ZNF131: variants seen among roughly 807,000 people sequenced by gnomAD.
ZNF131 encodes the protein zinc finger protein 131.
A neutral mutation model predicts 60.0 loss-of-function variants in ZNF131; 7 were observed. That is an observed-to-expected ratio of 0.12 (90% CI 0.07 to 0.22). The LOEUF (loss-of-function observed/expected upper bound fraction) is 0.22, where lower values mean the gene tolerates loss of function less well. Ranked by LOEUF, ZNF131 falls within the 10% of genes least tolerant of loss-of-function variation. The pLI, the probability that ZNF131 is intolerant of heterozygous loss-of-function variation, is 1.00. For missense variants in ZNF131, 493 were observed against 740.9 expected (o/e 0.67, Z 3.88); for synonymous variants, 257 against 253.2 (o/e 1.01, Z -0.14).
chr5:43,123,129 ATTT>A (rs1224908680), intron 2 of ZNF131, 77 bp from the exon 3 acceptor site: 1 of 1,160,444 alleles, frequency 8.6e-7, no homozygotes, highest in Non-Finnish European at 1.2e-6. Flanking sequence ...GCTTTATATG[ATTT>A]TTAAGTCTAT....
intron 3 of ZNF131, among the ~76,000 whole-genome samples, chr5:43,138,507 C>T (rs921279938): frequency 6.6e-6 from 1 of 152,116 alleles, no homozygotes. Context: ...TCAAAATTAG[C>T]CAGGCGTGGT....
intron 3 of ZNF131, among the ~76,000 whole-genome samples, chr5:43,138,125 A>G (rs903330274): frequency 5.3e-5 from 8 of 152,354 alleles, no homozygotes; most frequent in Middle Eastern, 3.4e-3. Flanking sequence ...GTGGGCATAA[A>G]GTTTCAATTG....
At chr5:43,159,771 T>G (rs1410174776) in intron 4 of ZNF131, among the ~76,000 whole-genome samples, 1 of 152,136 alleles carries the variant, frequency 6.6e-6, no homozygotes, top group African/African-American at 2.4e-5. Flanking sequence ...GCCTGTGGCT[T>G]GCTTTTTTAT....
At position 43,175,553 on chromosome 5, in the gene ZNF131, A is replaced by G. The variant is rs1579936571; in HGVS notation, c.*420A>G. 7.5e-6 allele frequency: 5 copies of G among 668,106 alleles called. No homozygotes were observed. The East Asian group carries it at 1.4e-4, about 18-fold the overall frequency. 41.4% of individuals were successfully genotyped at this position (668,106 alleles called of 1,614,324 possible). A position where few individuals can be genotyped will look rare whatever the true frequency, so the allele number is the denominator to read the frequency against. On this transcript the variant is annotated 3_prime_UTR_variant, in exon 7 of 7. Transcript: ENST00000682664. ...TCTAATGCATGTTAGAAAATTGAAT[A>G]ATATAGGAAACACAAGGCTGCATGA...
intron 3 of ZNF131, 135 bp downstream of exon 3, chr5:43,123,445 A>ACTGATGCCTATTTCCTAT: frequency 1.6e-6 from 1 of 625,642 alleles, no homozygotes; most frequent in Non-Finnish European, 2.6e-6. Flanking sequence ...CATAGGAAAT[A>ACTGATGCCTATTTCCTAT]GGCATCAGTA....
chr5:43,159,953 G>T (rs1244269551), intron 4 of ZNF131, among the ~76,000 whole-genome samples: 3 of 152,096 alleles, frequency 2.0e-5, no homozygotes, highest in Admixed American at 6.6e-5. Flanking sequence ...AAGGCGGGCA[G>T]ATCACAAGGT....
At chr5:43,155,348 A>G (rs866032843) in intron 4 of ZNF131, among the ~76,000 whole-genome samples, 15 of 152,204 alleles carry the variant, frequency 9.9e-5, no homozygotes, top group Middle Eastern at 3.2e-3. Context: ...GTTAGGGATC[A>G]GTTTCAACAA....
chr5:43,168,537 GAA>G (rs1003112045), intron 5 of ZNF131, among the ~76,000 whole-genome samples: 3 of 152,202 alleles, frequency 2.0e-5, no homozygotes, highest in African/African-American at 7.2e-5. Flanking sequence ...GTAAGGGTAA[GAA>G]AGAGGGAGAG....
At chr5:43,123,633 ATCT>A (rs1347436560) in intron 3 of ZNF131, 2 of 203,812 alleles carry the variant, frequency 9.8e-6, no homozygotes, top group Non-Finnish European at 2.0e-5. Context: ...GTGAATTACT[ATCT>A]TTGTTCAGTG....
intron 4 of ZNF131, among the ~76,000 whole-genome samples, chr5:43,150,978 G>C (rs1234639643): frequency 1.3e-5 from 2 of 152,174 alleles, no homozygotes; most frequent in Non-Finnish European, 2.9e-5. Flanking sequence ...AGAAAAACAG[G>C]TGACTTTCTT....
intron 4 of ZNF131, among the ~76,000 whole-genome samples, chr5:43,149,211 CA>C (rs1747994220): frequency 6.6e-6 from 1 of 150,948 alleles, no homozygotes; most frequent in African/African-American, 2.4e-5. Flanking sequence ...GCAGAGGCTG[CA>C]GTGAGCCGAG....
rs1170687481 is a variant in ZNF131 at position 43,128,656 on chromosome 5, CAAAAA to C, written c.226+5363_226+5367del. Among the ~76,000 whole-genome samples, 4 of 70,112 alleles carry C rather than the reference CAAAAA, an allele frequency of 5.7e-5. No homozygotes were observed. The Admixed American group carries it at 7.4e-4, about 13-fold the overall frequency. 46.0% of individuals were successfully genotyped at this position (70,112 alleles called of 152,430 possible). ...TGGGCGACAGAGCGAGACTCCATCT[CAAAAA>C]AAAAAAAAAAAAAAAACACACCTGG... On this transcript the variant is annotated intron_variant, in intron 3 of 6. Coordinates refer to ENST00000682664, the MANE Select transcript of ZNF131 (RefSeq NM_001330707.2).
intron 3 of ZNF131, among the ~76,000 whole-genome samples, chr5:43,131,431 C>T (rs931526550): frequency 6.6e-6 from 1 of 152,128 alleles, no homozygotes; most frequent in African/African-American, 2.4e-5. Flanking sequence ...CCTTGGCCTC[C>T]CAAAGTGCTG....
At position 43,161,849 on chromosome 5, in the gene ZNF131, G is replaced by C. The variant is rs762092506; in HGVS notation, c.972G>C (p.Gly324=). The change falls in exon 5 of 7, where the codon GGG becomes GGC. Residue 324 remains glycine, a synonymous_variant. Transcript: ENST00000682664. ...EGGVSKKQRT[G]KKIHVCQYCE... ...GAGTCAGTAAGAAGCAAAGAACTGG[G>C]AAAAAAATTCATGTATGTCAGTACT... 2.5e-6 allele frequency: 4 copies of C among 1,613,498 alleles called. No homozygotes were observed. The Admixed American group carries it at 5.0e-5, about 20-fold the overall frequency.
At position 43,122,051 on chromosome 5, in the gene ZNF131, G is replaced by T. The variant is rs755530335; in HGVS notation, c.-3G>T. ...TCTTCTTTTGTAGAGCAGCCCGACG[G>T]CCATGGAGGCTGAAGAGACGATGGA... On this transcript the variant is annotated 5_prime_UTR_variant, in exon 2 of 7. Coordinates refer to ENST00000682664, the MANE Select transcript of ZNF131 (RefSeq NM_001330707.2). 1.2e-6 allele frequency: 2 copies of T among 1,613,894 alleles called. No individual in the cohort carries two copies. The highest frequency in any genetic ancestry group is 2.2e-5 in the South Asian group (2 of 91,056).
At chr5:43,160,063 C>T (rs1749461024) in intron 4 of ZNF131, among the ~76,000 whole-genome samples, 1 of 152,040 alleles carries the variant, frequency 6.6e-6, no homozygotes, top group East Asian at 1.9e-4. Flanking sequence ...GTAGTCCCAG[C>T]TGCTTGGGAG....
At chr5:43,136,809 A>G (rs908889512) in intron 3 of ZNF131, among the ~76,000 whole-genome samples, 2 of 151,946 alleles carry the variant, frequency 1.3e-5, no homozygotes, top group African/African-American at 4.8e-5. Context: ...CTTGATATCA[A>G]AATATTTTAC....
intron 4 of ZNF131, among the ~76,000 whole-genome samples, chr5:43,143,769 G>A (rs1426975658): frequency 6.6e-6 from 1 of 152,036 alleles, no homozygotes; most frequent in African/African-American, 2.4e-5. Flanking sequence ...AACTGCTTTA[G>A]CCTTTACTTC....
intron 4 of ZNF131, 36 bp from the exon 5 acceptor site, chr5:43,161,213 T>C: frequency 3.9e-6 from 6 of 1,529,198 alleles, no homozygotes; most frequent in Non-Finnish European, 5.3e-6. Context: ...AGGATCTTCT[T>C]ATAGATTTTT....
Sources: allele counts gnomAD v4.1 joint callset (sites outside exome capture counted in the v4.1 genomes callset), GRCh38; gene constraint gnomAD v4.1.1; transcripts MANE v1.5; gene names NCBI Gene and HGNC (gene_info 2026-07-23, HGNC 2026-07-21).